Variants in CCBE1 observed in about 807,000 individuals in gnomAD.
The protein encoded by CCBE1 is collagen and calcium binding EGF domains 1.
In CCBE1, 37 loss-of-function variants were observed where a neutral mutation model predicts 50.0. That is an observed-to-expected ratio of 0.74 (90% CI 0.57 to 0.97). The LOEUF (loss-of-function observed/expected upper bound fraction) is 0.97. Among genes scored for constraint, CCBE1 ranks in the 50% least tolerant of loss-of-function variants. The pLI, the probability that CCBE1 is intolerant of heterozygous loss-of-function variation, is 0.00. For missense variants in CCBE1, 538 were observed against 523.8 expected (o/e 1.03, Z -0.26); for synonymous variants, 234 against 203.7 (o/e 1.15, Z -1.27).
intron 6 of CCBE1, among the ~76,000 whole-genome samples, 186 bp from the exon 7 acceptor site, chr18:59,448,289 A>C (rs573855570): frequency 6.6e-6 from 1 of 152,268 alleles, no homozygotes; most frequent in African/African-American, 2.4e-5. Flanking sequence ...TCTAGGGCAA[A>C]TAACTTGTAT....
intron 2 of CCBE1, among the ~76,000 whole-genome samples, chr18:59,625,449 AAAAAATTGT>A (rs1436881212): frequency 1.3e-5 from 2 of 151,738 alleles, no homozygotes; most frequent in Non-Finnish European, 2.9e-5. Context: ...AAAAAAAAAA[AAAAAATTGT>A]AGCCATATAC....
At chr18:59,453,718 C>T (rs1273378974) in intron 6 of CCBE1, among the ~76,000 whole-genome samples, 2 of 152,160 alleles carry the variant, frequency 1.3e-5, no homozygotes, top group Admixed American at 1.3e-4. Flanking sequence ...AGATACACCT[C>T]TCTGATGTGC....
intron 2 of CCBE1, among the ~76,000 whole-genome samples, chr18:59,684,722 T>C (rs1599135674): frequency 6.6e-6 from 1 of 152,228 alleles, no homozygotes; most frequent in East Asian, 1.9e-4. Flanking sequence ...CAATTACATA[T>C]ACAAACTATG....
intron 2 of CCBE1, among the ~76,000 whole-genome samples, chr18:59,693,443 A>G (rs3966072): frequency 0.43 from 65,496 of 151,974 alleles, 14,409 homozygotes; most frequent in East Asian, 0.54. Context: ...ACTGTACACC[A>G]ACTTGAGACC....
chr18:59,687,172 C>T (rs1029748549), intron 2 of CCBE1, among the ~76,000 whole-genome samples: 2 of 152,214 alleles, frequency 1.3e-5, no homozygotes, highest in Non-Finnish European at 2.9e-5. Context: ...AGGTCACAGT[C>T]ACAGAAAAAG....
At chr18:59,539,379 G>A (rs1272595774) in intron 2 of CCBE1, among the ~76,000 whole-genome samples, 2 of 152,070 alleles carry the variant, frequency 1.3e-5, no homozygotes, top group Admixed American at 6.6e-5. Flanking sequence ...CTTGTCCAAC[G>A]CCCCATGAGA....
chr18:59,672,682 A>G (rs554744808), intron 2 of CCBE1, among the ~76,000 whole-genome samples: 1 of 152,334 alleles, frequency 6.6e-6, no homozygotes, highest in African/African-American at 2.4e-5. Flanking sequence ...GCCTTGCCCA[A>G]ATGGCAAGCC....
At chr18:59,658,898 A>AC (rs1202962430) in intron 2 of CCBE1, among the ~76,000 whole-genome samples, 1 of 150,998 alleles carries the variant, frequency 6.6e-6, no homozygotes, top group African/African-American at 2.4e-5. Context: ...AAAAAAAAAA[A>AC]AAAAAAAACT....
intron 2 of CCBE1, among the ~76,000 whole-genome samples, chr18:59,607,526 T>C (rs1469472296): frequency 1.3e-5 from 2 of 152,228 alleles, no homozygotes; most frequent in African/African-American, 2.4e-5. Context: ...CATCATGACA[T>C]AGTCCCATAA....
intron 2 of CCBE1, among the ~76,000 whole-genome samples, chr18:59,571,148 C>T (rs1322399389): frequency 2.0e-5 from 3 of 152,168 alleles, no homozygotes; most frequent in Non-Finnish European, 4.4e-5. Context: ...TTTTAGAAGT[C>T]ATCTTGCTAA....
At chr18:59,617,967 C>G (rs1298735420) in intron 2 of CCBE1, among the ~76,000 whole-genome samples, 1 of 152,140 alleles carries the variant, frequency 6.6e-6, no homozygotes, top group Non-Finnish European at 1.5e-5. Context: ...CCACTCGCCT[C>G]AAAGTAAGAT....
At chr18:59,595,192 G>A (rs1218911428) in intron 2 of CCBE1, among the ~76,000 whole-genome samples, 1 of 147,372 alleles carries the variant, frequency 6.8e-6, no homozygotes, top group Non-Finnish European at 1.5e-5. Context: ...CTCCTCCCTT[G>A]CACAGGCCTG....
At chr18:59,466,695 T>TA (rs780729168) in intron 5 of CCBE1, 44 bp downstream of exon 5, 67 of 1,471,420 alleles carry the variant, frequency 4.6e-5, no homozygotes, top group Non-Finnish European at 5.9e-5. Context: ...ATATAATATA[T>TA]AAAAATATGT....
intron 6 of CCBE1, among the ~76,000 whole-genome samples, chr18:59,451,294 C>T (rs1434510883): frequency 6.6e-6 from 1 of 152,016 alleles, no homozygotes; most frequent in African/African-American, 2.4e-5. Context: ...GGAGGCCAAG[C>T]ACACCAGTCA....
In CCBE1 at chr18:59,448,107, C is replaced by G. The variant is rs769383551; in HGVS notation, c.655-4G>C. 4 of 1,613,550 alleles carry G rather than the reference C, an allele frequency of 2.5e-6. No homozygotes were observed. In the African/African-American group the frequency reaches 5.3e-5, roughly 22 times the overall value. ...CATTGTTGGGGAGCAGAGCAATCTG[C>G]AAGGAGAAGAGGAAGCCTCAGTCAG... is the stretch of plus-strand genomic sequence containing the variant. On this transcript the variant is annotated splice_polypyrimidine_tract_variant and splice_region_variant and intron_variant, in intron 6 of 10. Transcript: ENST00000439986.
intron 1 of CCBE1, 146 bp downstream of exon 1, chr18:59,697,066 G>T: frequency 1.7e-6 from 2 of 1,151,946 alleles, no homozygotes; most frequent in South Asian, 3.0e-5. Flanking sequence ...TGTCGCCCAG[G>T]ACAGCTGAGC....
intron 2 of CCBE1, among the ~76,000 whole-genome samples, chr18:59,519,258 G>GGA (rs1914499921): frequency 6.6e-6 from 1 of 152,096 alleles, no homozygotes; most frequent in African/African-American, 2.4e-5. Context: ...GCCCACTCCT[G>GGA]GAGTTTCACC....
At chr18:59,508,632 T>C (rs1416233408) in intron 2 of CCBE1, among the ~76,000 whole-genome samples, 1 of 149,386 alleles carries the variant, frequency 6.7e-6, no homozygotes, top group African/African-American at 2.5e-5. Context: ...AAAAAGAAAC[T>C]ACCCCATAAT....
chr18:59,594,701 C>A (rs1194258457), intron 2 of CCBE1, among the ~76,000 whole-genome samples: 1 of 152,118 alleles, frequency 6.6e-6, no homozygotes, highest in African/African-American at 2.4e-5. Context: ...CTCATTTCCT[C>A]GGTGCTACTC....
Sources: gnomAD v4.1 joint callset for allele counts (sites outside exome capture counted in the v4.1 genomes callset) on GRCh38, gnomAD v4.1.1 for gene constraint, MANE v1.5 for transcripts, NCBI Gene and HGNC (gene_info 2026-07-23, HGNC 2026-07-21) for gene names.